GPC5: variants seen among roughly 807,000 people sequenced by gnomAD.
GPC5 encodes the protein glypican 5.
A neutral mutation model predicts 53.9 loss-of-function variants in GPC5; 47 were observed. The observed-to-expected ratio is 0.87, with a 90% CI of 0.69 to 1.11. The LOEUF (loss-of-function observed/expected upper bound fraction) is 1.11. Ranked by LOEUF, GPC5 falls within the 50% of genes most tolerant of loss-of-function variation. The pLI, the probability that GPC5 is intolerant of heterozygous loss-of-function variation, is 0.00. For synonymous variants in GPC5, 286 were observed against 263.3 expected (o/e 1.09, Z -0.84); for missense variants, 748 against 713.1 (o/e 1.05, Z -0.56).
chr13:91,950,215 C>T (rs917416459), intron 6 of GPC5, among the ~76,000 whole-genome samples: 17 of 151,302 alleles, frequency 1.1e-4, no homozygotes, highest in African/African-American at 3.9e-4. Context: ...AACCTTATTT[C>T]TCCTCACACC....
chr13:92,453,698 T>C (rs1878155875), intron 7 of GPC5, among the ~76,000 whole-genome samples: 1 of 152,006 alleles, frequency 6.6e-6, no homozygotes, highest in East Asian at 1.9e-4. Flanking sequence ...AAAAAAATAA[T>C]ACCGGTATGT....
At chr13:91,563,296 C>G (rs187404584) in intron 2 of GPC5, among the ~76,000 whole-genome samples, 1 of 152,086 alleles carries the variant, frequency 6.6e-6, no homozygotes, top group South Asian at 2.1e-4. Flanking sequence ...CAGATATGGA[C>G]CGCCTGCTAA....
chr13:92,703,836 A>G (rs965980926), intron 7 of GPC5, among the ~76,000 whole-genome samples: 1 of 151,962 alleles, frequency 6.6e-6, no homozygotes, highest in African/African-American at 2.4e-5. Context: ...CGATTTGTAA[A>G]TAAAGAAATG....
At chr13:91,657,974 A>G (rs952117482) in intron 2 of GPC5, among the ~76,000 whole-genome samples, 1 of 152,220 alleles carries the variant, frequency 6.6e-6, no homozygotes, top group Admixed American at 6.6e-5. Context: ...TTCAAATATT[A>G]TCTTATGAAA....
At chr13:92,500,258 G>C (rs998550421) in intron 7 of GPC5, among the ~76,000 whole-genome samples, 1 of 152,104 alleles carries the variant, frequency 6.6e-6, no homozygotes, top group Non-Finnish European at 1.5e-5. Context: ...TATTATGCTT[G>C]TCAGTCTGGC....
intron 7 of GPC5, among the ~76,000 whole-genome samples, chr13:92,390,792 A>G (rs927401792): frequency 4.6e-5 from 7 of 152,194 alleles, no homozygotes; most frequent in Admixed American, 1.3e-4. Context: ...AACTTTAACA[A>G]GGAAGTTTTA....
At chr13:92,293,422 CTTTTTTT>C (rs748125673) in intron 7 of GPC5, among the ~76,000 whole-genome samples, 11,264 of 77,850 alleles carry the variant, frequency 0.14, 593 homozygotes, top group Middle Eastern at 0.28. Context: ...TGGTTGGTTT[CTTTTTTT>C]TTTTTTTTTT....
chr13:92,087,735 T>G (rs563349814), intron 6 of GPC5, among the ~76,000 whole-genome samples: 1 of 152,284 alleles, frequency 6.6e-6, no homozygotes, highest in Non-Finnish European at 1.5e-5. Flanking sequence ...TTATTGTGTC[T>G]CATATCTCTG....
At chr13:92,641,659 T>C (rs909015177) in intron 7 of GPC5, among the ~76,000 whole-genome samples, 3 of 152,212 alleles carry the variant, frequency 2.0e-5, no homozygotes, top group African/African-American at 7.2e-5. Flanking sequence ...TCAGCTGAAA[T>C]GTTTTGACTC....
chr13:92,117,952 T>C (rs142645845), intron 6 of GPC5, among the ~76,000 whole-genome samples: 1 of 152,200 alleles, frequency 6.6e-6, no homozygotes, highest in South Asian at 2.1e-4. Context: ...ACCACATTAC[T>C]GATCTGGCTA....
chr13:91,680,056 C>G (rs1407169397), intron 2 of GPC5, among the ~76,000 whole-genome samples: 2 of 152,092 alleles, frequency 1.3e-5, no homozygotes, highest in East Asian at 1.9e-4. Context: ...AAACAACGTA[C>G]TGTATTTGCT....
chr13:91,523,805 T>G (rs1020372700), intron 2 of GPC5, among the ~76,000 whole-genome samples: 1 of 152,226 alleles, frequency 6.6e-6, no homozygotes, highest in Non-Finnish European at 1.5e-5. Flanking sequence ...CTTTATGATA[T>G]ATCACATTAT....
rs574377718 is a variant in GPC5, at chr13:92,673,167, AAG to A, written c.1562-193113_1562-193112del. Among the ~76,000 whole-genome samples, 23 of 152,338 alleles carry A rather than the reference AAG, an allele frequency of 1.5e-4. No individual in the cohort carries two copies. In the East Asian group the frequency reaches 4.0e-3, roughly 27 times the overall value. On this transcript the variant is annotated intron_variant, in intron 7 of 7. Transcript: ENST00000377067. ...TAAAATTCATTTACCTTTTTAAAAA[AAG>A]AATGCAAGATTTTAGCAGAGTTTTC...
At chr13:91,994,360 G>A (rs1171076019) in intron 6 of GPC5, among the ~76,000 whole-genome samples, 8 of 152,146 alleles carry the variant, frequency 5.3e-5, no homozygotes, top group Admixed American at 5.2e-4. Flanking sequence ...TATATATGTT[G>A]TTGAAGGCAT....
chr13:92,655,580 C>T (rs538572618), intron 7 of GPC5, among the ~76,000 whole-genome samples: 17 of 152,216 alleles, frequency 1.1e-4, no homozygotes, highest in South Asian at 2.1e-4. Context: ...GGTGATCCAC[C>T]CTCCCCGCCC....
chr13:92,650,877 G>A (rs117320946), intron 7 of GPC5, among the ~76,000 whole-genome samples: 2,323 of 152,174 alleles, frequency 0.015, 22 homozygotes, highest in Non-Finnish European at 0.024. Context: ...GTGCCACGGT[G>A]GTTTGCTGCA....
At chr13:91,495,945 C>T (rs1256044958) in intron 2 of GPC5, among the ~76,000 whole-genome samples, 3 of 152,034 alleles carry the variant, frequency 2.0e-5, no homozygotes, top group East Asian at 3.9e-4. Context: ...ATTGCTTGAA[C>T]TCGGGAGGCA....
chr13:92,364,618 T>A (rs1385172441), intron 7 of GPC5, among the ~76,000 whole-genome samples: 2 of 151,538 alleles, frequency 1.3e-5, no homozygotes, highest in African/African-American at 4.9e-5. Flanking sequence ...TAGTCCCAGC[T>A]ACTCGGGAGG....
chr13:91,440,593 A>G (rs1179453962), intron 1 of GPC5, among the ~76,000 whole-genome samples: 2 of 151,996 alleles, frequency 1.3e-5, no homozygotes, highest in African/African-American at 4.8e-5. Flanking sequence ...GCCTTAATTT[A>G]TTGGCTTATC....
Sources: gnomAD v4.1 joint callset for allele counts (sites outside exome capture counted in the v4.1 genomes callset) on GRCh38, gnomAD v4.1.1 for gene constraint, MANE v1.5 for transcripts, NCBI Gene and HGNC (gene_info 2026-07-23, HGNC 2026-07-21) for gene names.